KDM4C: variants seen among roughly 807,000 people sequenced by gnomAD.
KDM4C encodes the protein lysine demethylase 4C.
KDM4C carries 81 observed loss-of-function variants against 129.3 expected under a neutral mutation model. The ratio of observed to expected loss-of-function variants is 0.63; its 90% confidence interval spans 0.52 to 0.75. KDM4C has a LOEUF of 0.75. Among genes scored for constraint, KDM4C ranks in the 30% least tolerant of loss-of-function variants. The probability of loss-of-function intolerance (pLI) is 0.00; values close to 1 mark genes in which losing one functional copy is unlikely to be tolerated. For synonymous variants in KDM4C, 573 were observed against 456.1 expected (o/e 1.26, Z -3.26); for missense variants, 1,457 against 1,304.0 (o/e 1.12, Z -1.81).
chr9:6,954,085 A>G (rs115414274), intron 8 of KDM4C, among the ~76,000 whole-genome samples: 173 of 152,258 alleles, frequency 1.1e-3, no homozygotes, highest in African/African-American at 3.8e-3. Flanking sequence ...ACCTCATTCT[A>G]TGCTCACATC....
chr9:6,973,714 A>C (rs1021890384), intron 8 of KDM4C: 64 of 152,320 alleles, frequency 4.2e-4, no homozygotes, highest in African/African-American at 1.5e-3. Context: ...AGCTAGTTTT[A>C]AAATTTTTCT....
intron 8 of KDM4C, among the ~76,000 whole-genome samples, chr9:6,904,095 C>T (rs560325944): frequency 1.3e-5 from 2 of 152,164 alleles, no homozygotes; most frequent in East Asian, 1.9e-4. Context: ...CAAAAATTAG[C>T]TGGCATGGTG....
At chr9:6,835,060 G>A (rs13299146) in intron 4 of KDM4C, 101,950 of 957,354 alleles carry the variant, frequency 0.11, 6,405 homozygotes, top group Non-Finnish European at 0.13. Context: ...CACCACCACG[G>A]CTGAGTGGGA....
At chr9:6,756,792 G>A (rs574395554), upstream of KDM4C, among the ~76,000 whole-genome samples, 2 of 152,178 alleles carry the variant, frequency 1.3e-5, no homozygotes, top group African/African-American at 4.8e-5. Context: ...CAATAATCCC[G>A]TTAGCCTTAG....
chr9:7,115,725 C>G (rs949264543), intron 18 of KDM4C, among the ~76,000 whole-genome samples: 1 of 152,206 alleles, frequency 6.6e-6, no homozygotes, highest in Non-Finnish European at 1.5e-5. Flanking sequence ...TGTATGTCCA[C>G]TTTCAACAAA....
Position 6,893,099 on chromosome 9 carries a change from C to T in KDM4C, c.788C>T (p.Thr263Ile). Reference protein sequence around the residue: ...KKYGIPFDKITQEAGEFMITF... With the variant: ...KKYGIPFDKIIQEAGEFMITF... The stretch of plus-strand genomic sequence containing the variant: ...TATATGTTTCCTACCTTGCAGATAA[C>T]CCAGGAGGCTGGAGAATTCATGATC... Residue 263 changes from threonine to isoleucine, a missense_variant, in exon 8 of 22, where the codon ACC becomes ATC. By Grantham distance (89) the Thr-to-Ile change is moderately conservative. Coordinates refer to ENST00000381309, the MANE Select transcript of KDM4C (RefSeq NM_015061.6). 6.3e-7 allele frequency: 1 copy of T among 1,577,302 alleles called. No homozygotes were observed. Among genetic ancestry groups the T allele is most frequent in the Non-Finnish European group, 8.6e-7 (1 of 1,161,150 alleles).
At chr9:6,924,951 A>G (rs1423198269) in intron 8 of KDM4C, 1 of 985,136 alleles carries the variant, frequency 1.0e-6, no homozygotes, top group Non-Finnish European at 1.2e-6. Flanking sequence ...GACAGTGGTT[A>G]TTTTAAAACA....
chr9:6,914,270 G>A (rs974743988), intron 8 of KDM4C, among the ~76,000 whole-genome samples: 1 of 152,112 alleles, frequency 6.6e-6, no homozygotes, highest in Admixed American at 6.5e-5. Context: ...TGTTGGTCAG[G>A]CTGGTCTTGA....
chr9:6,859,291 C>A (rs771450629), intron 5 of KDM4C, among the ~76,000 whole-genome samples: 2 of 151,734 alleles, frequency 1.3e-5, no homozygotes, highest in Non-Finnish European at 2.9e-5. Flanking sequence ...TCCTGGCCAA[C>A]GTGGTGAAAC....
chr9:6,830,861 C>T (rs1363153761), intron 4 of KDM4C, among the ~76,000 whole-genome samples: 1 of 152,078 alleles, frequency 6.6e-6, no homozygotes, highest in Non-Finnish European at 1.5e-5. Flanking sequence ...GAAATAGCAG[C>T]TGTAGAGAAA....
In KDM4C at chr9:6,758,731, CT is replaced by C. The variant is rs1818793897; in HGVS notation, c.-18+531del. Among the ~76,000 whole-genome samples the C allele has an allele frequency of 6.6e-6, 1 of 152,230 alleles. No homozygotes were observed. Among genetic ancestry groups the C allele is most frequent in the African/African-American group, 2.4e-5 (1 of 41,462 alleles). ...CCTCGCGGCTGTCCTTTTGGTGTTT[CT>C]TTCCCCCGGCATGGGGCCATTTCTT... On this transcript the variant is annotated intron_variant, in intron 1 of 21. Transcript: ENST00000381309. The surrounding 1 kb of genome is among the most constrained non-coding windows in gnomAD (Gnocchi z 4.6).
chr9:6,948,931 A>C (rs540556981), intron 8 of KDM4C, among the ~76,000 whole-genome samples: 13 of 152,084 alleles, frequency 8.5e-5, no homozygotes, highest in East Asian at 5.8e-4. Flanking sequence ...TTTTCCCCAC[A>C]TTTCCCCCTT....
intron 15 of KDM4C, among the ~76,000 whole-genome samples, chr9:7,040,691 T>C (rs1369775236): frequency 6.6e-6 from 1 of 151,928 alleles, no homozygotes; most frequent in Non-Finnish European, 1.5e-5. Context: ...CTTTTTCTTG[T>C]AGTATTTAAT....
At chr9:7,093,251 G>C (rs1836011267) in intron 17 of KDM4C, among the ~76,000 whole-genome samples, 1 of 152,176 alleles carries the variant, frequency 6.6e-6, no homozygotes, top group Non-Finnish European at 1.5e-5. Context: ...GAAGGGTGGA[G>C]CATGGTGTTG....
intron 2 of KDM4C, among the ~76,000 whole-genome samples, chr9:6,800,314 C>G (rs1184516553): frequency 6.6e-6 from 1 of 152,078 alleles, no homozygotes; most frequent in Non-Finnish European, 1.5e-5. Flanking sequence ...TTGCAGTGAG[C>G]CGAGATTGCT....
At chr9:6,847,710 C>T (rs1029102368) in intron 4 of KDM4C, among the ~76,000 whole-genome samples, 2 of 152,148 alleles carry the variant, frequency 1.3e-5, no homozygotes, top group African/African-American at 4.8e-5. Context: ...TAAACGGATA[C>T]TTTGACCAGT....
intron 5 of KDM4C, among the ~76,000 whole-genome samples, 186 bp from the exon 6 acceptor site, chr9:6,879,826 A>T (rs1242295240): frequency 6.6e-6 from 1 of 151,686 alleles, no homozygotes; most frequent in South Asian, 2.1e-4. Context: ...TTATAGGCAT[A>T]TTTTTTTTCT....
At chr9:6,794,082 T>C (rs1021427224) in intron 2 of KDM4C, among the ~76,000 whole-genome samples, 1 of 152,218 alleles carries the variant, frequency 6.6e-6, no homozygotes, top group African/African-American at 2.4e-5. Context: ...AACTGACTTA[T>C]TCTCTCTCTA....
chr9:6,732,282 T>G (rs1161834560), intron 1 of KDM4C, among the ~76,000 whole-genome samples: 1 of 138,436 alleles, frequency 7.2e-6, no homozygotes, highest in Non-Finnish European at 1.5e-5. Flanking sequence ...GGAGAATCGC[T>G]GGAACCCGGG....
Sources: gnomAD v4.1 joint callset for allele counts (sites outside exome capture counted in the v4.1 genomes callset) on GRCh38, gnomAD v4.1.1 for gene constraint, Gnocchi (gnomAD v3.1) non-coding constraint, MANE v1.5 for transcripts, NCBI Gene and HGNC (gene_info 2026-07-23, HGNC 2026-07-21) for gene names.